PKNOX2: variants seen among roughly 807,000 people sequenced by gnomAD.
PKNOX2 encodes the protein PBX/knotted 1 homeobox 2, also known as homeobox protein PKNOX2.
PKNOX2 carries 14 observed loss-of-function variants against 53.1 expected under a neutral mutation model. The observed-to-expected ratio is 0.26, with a 90% CI of 0.17 to 0.41. The LOEUF (loss-of-function observed/expected upper bound fraction) is 0.41, where lower values mean the gene tolerates loss of function less well. PKNOX2 is among the 10% of genes least tolerant of loss of function. PKNOX2 has a pLI of 1.00. For missense variants in PKNOX2, 496 were observed against 602.8 expected, an observed-to-expected ratio of 0.82 and a Z score of 1.85; for synonymous variants, 257 against 242.8, an observed-to-expected ratio of 1.06 and a Z score of -0.54.
intron 2 of PKNOX2, among the ~76,000 whole-genome samples, chr11:125,312,517 A>G (rs1378604333): frequency 6.6e-6 from 1 of 152,220 alleles, no homozygotes; most frequent in Admixed American, 6.5e-5. Context: ...GAGGTGAATC[A>G]GGAATATTCC....
At chr11:125,309,158 TC>T in intron 2 of PKNOX2, among the ~76,000 whole-genome samples, 2 of 141,532 alleles carry the variant, frequency 1.4e-5, no homozygotes, top group African/African-American at 6.3e-5. Flanking sequence ...TTTCTTTCTT[TC>T]CTTCCTTCCT....
chr11:125,180,684 A>G (rs1429097602), intron 1 of PKNOX2, among the ~76,000 whole-genome samples: 3 of 152,092 alleles, frequency 2.0e-5, no homozygotes, highest in Non-Finnish European at 4.4e-5. Context: ...GCTCCTGGGG[A>G]AAAAGGGGGT....
At chr11:125,283,190 AAAAT>A in intron 2 of PKNOX2, among the ~76,000 whole-genome samples, 1 of 152,050 alleles carries the variant, frequency 6.6e-6, no homozygotes, top group African/African-American at 2.4e-5. Context: ...AAAATAAAAT[AAAAT>A]AAATTCCATA....
intron 2 of PKNOX2, among the ~76,000 whole-genome samples, chr11:125,278,994 C>T (rs1047860059): frequency 1.3e-5 from 2 of 152,212 alleles, no homozygotes; most frequent in African/African-American, 4.8e-5. Context: ...CGGGAGACCA[C>T]TATGGTCTGG....
intron 1 of PKNOX2, among the ~76,000 whole-genome samples, chr11:125,208,468 A>C (rs1366836717): frequency 6.6e-6 from 1 of 152,128 alleles, no homozygotes; most frequent in Non-Finnish European, 1.5e-5. Context: ...AAAATCTTGC[A>C]GACACTAATG....
At chr11:125,430,758 G>GAA (rs34263921) in intron 12 of PKNOX2, among the ~76,000 whole-genome samples, 43,523 of 149,346 alleles carry the variant, frequency 0.29, 6,626 homozygotes, top group Admixed American at 0.4. Flanking sequence ...GTTATGATGG[G>GAA]AAAAAAAAAA....
chr11:125,277,142 G>A lies in PKNOX2; in HGVS notation c.-130+42027G>A, dbSNP rs1212563720. ...GCAATGGTCAGAAAGTGGGAAGTTGGCAATGTACATTTTGTGGGTGATTCA... is the reference window on the plus strand; with the variant it reads ...GCAATGGTCAGAAAGTGGGAAGTTGACAATGTACATTTTGTGGGTGATTCA... On this transcript the variant is annotated intron_variant, in intron 2 of 12. Coordinates refer to ENST00000298282, the MANE Select transcript of PKNOX2 (RefSeq NM_001382323.2). Among the ~76,000 whole-genome samples the A allele has an allele frequency of 5.9e-5, 9 of 152,322 alleles. 1 individual carries two copies. Among genetic ancestry groups the A allele is most frequent in the Admixed American group, 5.2e-4 (8 of 15,308 alleles).
chr11:125,205,340 A>G (rs1591480284), intron 1 of PKNOX2, among the ~76,000 whole-genome samples: 1 of 151,898 alleles, frequency 6.6e-6, no homozygotes, highest in East Asian at 1.9e-4. Flanking sequence ...CCAAGTCTGA[A>G]CCCAGGCCCA....
At chr11:125,224,513 G>A (rs1306680105) in intron 1 of PKNOX2, among the ~76,000 whole-genome samples, 1 of 152,234 alleles carries the variant, frequency 6.6e-6, no homozygotes, top group Admixed American at 6.5e-5. Flanking sequence ...GTGAACTCAG[G>A]AAATCTCCCG....
chr11:125,339,363 A>G (rs2136144947), intron 3 of PKNOX2, among the ~76,000 whole-genome samples: 1 of 152,220 alleles, frequency 6.6e-6, no homozygotes, highest in African/African-American at 2.4e-5. Context: ...ACTCAGGGAG[A>G]TATGACAAGA....
chr11:125,253,990 G>A (rs1453221902), intron 2 of PKNOX2, among the ~76,000 whole-genome samples: 6 of 152,136 alleles, frequency 3.9e-5, no homozygotes, highest in East Asian at 1.9e-4. Context: ...GAAGGAAGCC[G>A]CGTCTGGCTG....
At position 125,352,233 on chromosome 11, in the gene PKNOX2, A is replaced by C. The variant is rs568656749; in HGVS notation, c.87+841A>C. ...GAGTTTTGTGTCTGTGCTTTCACAGAAGCCTTCATTCTCTGACCCTTCCCT... is the reference window on the plus strand; with the variant it reads ...GAGTTTTGTGTCTGTGCTTTCACAGCAGCCTTCATTCTCTGACCCTTCCCT... On this transcript the variant is annotated intron_variant, in intron 4 of 12. Coordinates refer to ENST00000298282, the MANE Select transcript of PKNOX2 (RefSeq NM_001382323.2). This position sits in a 1 kb window ranked among gnomAD's most constrained non-coding sequence, Gnocchi z 4.1. Among the ~76,000 whole-genome samples, 1 of 152,308 alleles carries C rather than the reference A, an allele frequency of 6.6e-6. No homozygotes were observed. The highest frequency in any genetic ancestry group is 1.5e-5 in the Non-Finnish European group (1 of 68,026).
chr11:125,409,393 GGA>G (rs1955340949), intron 7 of PKNOX2, among the ~76,000 whole-genome samples: 1 of 152,226 alleles, frequency 6.6e-6, no homozygotes, highest in Non-Finnish European at 1.5e-5. Context: ...GGCAGTGTGG[GGA>G]GAGGAGAGTC....
intron 8 of PKNOX2, 21 bp downstream of exon 8, chr11:125,410,346 G>A: frequency 6.2e-7 from 1 of 1,613,268 alleles, no homozygotes; most frequent in Non-Finnish European, 8.5e-7. Flanking sequence ...AGACTGGGAA[G>A]GGTGATTGTG....
chr11:125,363,217 C>A (rs943090324), intron 4 of PKNOX2, among the ~76,000 whole-genome samples: 2 of 152,228 alleles, frequency 1.3e-5, no homozygotes, highest in Admixed American at 1.3e-4. Context: ...ACTCACCCAC[C>A]CCAGAAATAT....
chr11:125,330,960 G>A (rs940457533), intron 2 of PKNOX2, among the ~76,000 whole-genome samples: 2 of 152,190 alleles, frequency 1.3e-5, no homozygotes, highest in South Asian at 2.1e-4. Context: ...CCTGGCCAGC[G>A]GTTCTCCCGA....
At chr11:125,411,600 T>C (rs1955554596) in intron 9 of PKNOX2, 146 bp from the exon 10 acceptor site, 2 of 1,247,612 alleles carry the variant, frequency 1.6e-6, no homozygotes. Flanking sequence ...TGGCATGGGC[T>C]GAGAGGGAAA....
chr11:125,278,992 C>A (rs1413854872), intron 2 of PKNOX2, among the ~76,000 whole-genome samples: 2 of 152,176 alleles, frequency 1.3e-5, no homozygotes, highest in African/African-American at 4.8e-5. Flanking sequence ...GCCGGGAGAC[C>A]ACTATGGTCT....
intron 5 of PKNOX2, among the ~76,000 whole-genome samples, chr11:125,379,532 A>G (rs1026061042): frequency 1.3e-5 from 2 of 152,174 alleles, no homozygotes; most frequent in African/African-American, 4.8e-5. Flanking sequence ...ATTTATGTTA[A>G]GAATATCTGT....
Sources: gnomAD v4.1 joint callset for allele counts (sites outside exome capture counted in the v4.1 genomes callset) on GRCh38, gnomAD v4.1.1 for gene constraint, Gnocchi (gnomAD v3.1) non-coding constraint, MANE v1.5 for transcripts, NCBI Gene and HGNC (gene_info 2026-07-23, HGNC 2026-07-21) for gene names.